The following MX2 variants were observed in gnomAD, a reference collection of about 807,000 sequenced individuals.
MX2 encodes MX dynamin like GTPase 2, also known as interferon-induced GTP-binding protein Mx2.
Under a neutral mutation model 74.0 loss-of-function variants are expected in MX2, and 51 were observed. The observed-to-expected ratio is 0.69, with a 90% CI of 0.55 to 0.87. The LOEUF is 0.87. Ranked by LOEUF, MX2 falls within the 40% of genes least tolerant of loss-of-function variation. The pLI, the probability that MX2 is intolerant of heterozygous loss-of-function variation, is 0.00. For missense variants in MX2, 832 were observed against 908.7 expected, an observed-to-expected ratio of 0.92 and a Z score of 1.09; for synonymous variants, 369 against 339.3, an observed-to-expected ratio of 1.09 and a Z score of -0.96.
intron 12 of MX2, among the ~76,000 whole-genome samples, chr21:41,406,199 G>A (rs1280462171): frequency 3.3e-5 from 5 of 152,128 alleles, no homozygotes; most frequent in Non-Finnish European, 7.3e-5. Context: ...TGTTGGCCAG[G>A]TTGGTCTCGA....
Position 41,403,329 on chromosome 21 carries a change from A to C in MX2, c.1636A>C (p.Asn546His), listed in dbSNP as rs201967296. ...KKHFGEFFNL[N>H]QTVQSTIEDI... ...ACATTTTGGCGAATTTTTCAACCTT[A>C]ACCAAACTGTTCAGGTAAGCACCCA... The change falls in exon 12 of 14, where the codon AAC (asparagine) becomes CAC (histidine). Residue 546 changes from asparagine (N) to histidine (H), a missense_variant. Physicochemically the swap from Asn to His is moderately conservative, Grantham distance 68. Coordinates refer to ENST00000330714, the MANE Select transcript of MX2 (RefSeq NM_002463.2). 20 of 1,613,492 alleles carry C rather than the reference A, an allele frequency of 1.2e-5. No individual in the cohort carries two copies. The East Asian group carries it at 4.2e-4, about 34-fold the overall frequency.
chr21:41,379,968 C>G, intron 3 of MX2, 49 bp from the exon 4 acceptor site: 1 of 1,605,476 alleles, frequency 6.2e-7, no homozygotes, highest in Non-Finnish European at 8.5e-7. Context: ...GGGCCCAGTG[C>G]CACTTCTTTA....
rs2089466221 is a variant in MX2 at position 41,379,999 on chromosome 21, G to C, written c.443-18G>C. On this transcript the variant is annotated intron_variant, in intron 3 of 13. Transcript: ENST00000330714. The stretch of plus-strand genomic sequence containing the variant: ...CTTTAAAAGGAAACTGAGGATATTT[G>C]GGGAACCTCTCGCTCAGGAATCGTA... 1.2e-6 allele frequency: 2 copies of C among 1,613,006 alleles called. No homozygotes were observed. Among genetic ancestry groups the C allele is most frequent in the Admixed American group, 1.7e-5 (1 of 59,886 alleles).
chr21:41,367,905 C>G (rs2089281959), intron 1 of MX2, among the ~76,000 whole-genome samples: 1 of 152,216 alleles, frequency 6.6e-6, no homozygotes. Context: ...TGTTCCTCAT[C>G]TTTGTCTTAA....
At chr21:41,395,433 G>A (rs1476887452) in intron 6 of MX2, among the ~76,000 whole-genome samples, 154 bp from the exon 7 acceptor site, 1 of 152,158 alleles carries the variant, frequency 6.6e-6, no homozygotes, top group Admixed American at 6.5e-5. Flanking sequence ...CAAAGAAGAG[G>A]GGCAATGAGG....
At chr21:41,373,096 C>G (rs990794813) in intron 1 of MX2, 1 of 152,208 alleles carries the variant, frequency 6.6e-6, no homozygotes, top group Non-Finnish European at 1.5e-5. Flanking sequence ...GGTGGGAATG[C>G]AGCTTTTGAC....
At position 41,405,938 on chromosome 21, in the gene MX2, AG is replaced by A. The variant is rs1227910837; in HGVS notation, c.1651-804del. Among the ~76,000 whole-genome samples the A allele has an allele frequency of 2.6e-5, 4 of 151,916 alleles. No individual in the cohort carries two copies. The East Asian group carries it at 7.7e-4, about 29-fold the overall frequency. ...AAGCTGGTCTCAAACTCCTGACCTC[AG>A]GTGACCCACCTGCCTCAGCCTCCCA... On this transcript the variant is annotated intron_variant, in intron 12 of 13. Transcript: ENST00000330714.
chr21:41,408,230 C>G lies in MX2; in HGVS notation c.2145C>G (p.His715Gln). ...ALCQFSSKEI[H>Q] Reference sequence around the variant, plus strand: ...GTCAATTCTCCAGCAAAGAGATCCACTGAAGGGCGGCGATGCCTGTGGTTG... The same window carrying G: ...GTCAATTCTCCAGCAAAGAGATCCAGTGAAGGGCGGCGATGCCTGTGGTTG... Residue 715 changes from histidine (H) to glutamine (Q), a missense_variant, in exon 14 of 14, where the codon CAC becomes CAG. Transcript: ENST00000330714. 6.2e-7 allele frequency: 1 copy of G among 1,613,792 alleles called. No individual in the cohort carries two copies. Among genetic ancestry groups the G allele is most frequent in the South Asian group, 1.1e-5 (1 of 91,080 alleles).
At chr21:41,394,920 A>G (rs1387761779) in intron 6 of MX2, among the ~76,000 whole-genome samples, 2 of 147,784 alleles carry the variant, frequency 1.4e-5, no homozygotes. Context: ...ACAGAGCGAG[A>G]CTCCATCTCA....
chr21:41,407,033 G>T, intron 13 of MX2, 35 bp downstream of exon 13: 1 of 1,596,102 alleles, frequency 6.3e-7, no homozygotes, highest in Non-Finnish European at 8.6e-7. Flanking sequence ...CGTGCTCTCT[G>T]AAATTTGCAG....
rs754668921 is a variant in MX2 at position 41,377,851 on chromosome 21, C to G, written c.312C>G (p.Ile104Met). The G allele has an allele frequency of 6.2e-7, 1 of 1,614,222 alleles. No homozygotes were observed. The highest frequency in any genetic ancestry group is 8.5e-7 in the Non-Finnish European group (1 of 1,180,046). The stretch of plus-strand genomic sequence containing the variant: ...AGGTGCGCCCCTGCATTGACCTCAT[C>G]GACTCCCTGCGGGCTCTGGGTGTGG... ...EQKVRPCIDL[I>M]DSLRALGVEQ... The change falls in exon 3 of 14, where the codon ATC becomes ATG. Residue 104 changes from isoleucine (I) to methionine (M), a missense_variant. Transcript: ENST00000330714.
intron 6 of MX2, among the ~76,000 whole-genome samples, chr21:41,393,908 C>T (rs1247181122): frequency 6.6e-6 from 1 of 152,182 alleles, no homozygotes; most frequent in Non-Finnish European, 1.5e-5. Context: ...GTTCTAAAGC[C>T]AAATCAAAGA....
intron 7 of MX2, 129 bp downstream of exon 7, chr21:41,395,914 T>C: frequency 1.2e-6 from 1 of 853,582 alleles, no homozygotes; most frequent in Non-Finnish European, 1.8e-6. Context: ...CCTCACCTGA[T>C]TTTTGTGCTA....
At chr21:41,362,709 G>A (rs927244927) in intron 1 of MX2, among the ~76,000 whole-genome samples, 2 of 150,720 alleles carry the variant, frequency 1.3e-5, no homozygotes, top group African/African-American at 2.5e-5. Flanking sequence ...GATATAGAGC[G>A]GAAAGGAGAC....
At chr21:41,369,568 C>A (rs1475439277) in intron 1 of MX2, among the ~76,000 whole-genome samples, 1 of 152,126 alleles carries the variant, frequency 6.6e-6, no homozygotes, top group Admixed American at 6.5e-5. Context: ...GGGAGGAAAG[C>A]CGCTGAGAGC....
chr21:41,377,048 A>G lies in MX2; in HGVS notation c.142A>G (p.Asn48Asp). Residue 48 changes from asparagine to aspartate, a missense_variant, in exon 2 of 14, where the codon AAC becomes GAC. By Grantham distance (23) the Asn-to-Asp change is conservative. Transcript: ENST00000330714. ...TVPPQMMFPP[N>D]WQGAEKDAAF... ...GCCACCACAAATGATGTTTCCTCCA[A>G]ACTGGCAGGGGGCAGAGAAGGACGC... 6.2e-7 allele frequency: 1 copy of G among 1,614,236 alleles called. No individual in the cohort carries two copies. Among genetic ancestry groups the G allele is most frequent in the African/African-American group, 1.3e-5 (1 of 75,052 alleles).
chr21:41,369,836 G>A (rs898402248), intron 1 of MX2, among the ~76,000 whole-genome samples: 5 of 34,370 alleles, frequency 1.5e-4, no homozygotes, highest in Admixed American at 1.1e-3. Context: ...CCTGCCCCCC[G>A]CCCCCGCCCC....
At chr21:41,372,262 T>C (rs866736896) in intron 1 of MX2, among the ~76,000 whole-genome samples, 1 of 152,256 alleles carries the variant, frequency 6.6e-6, no homozygotes, top group Non-Finnish European at 1.5e-5. Flanking sequence ...ATGCATTGCA[T>C]GTAAAACTTA....
chr21:41,381,303 T>C (rs2089488037), intron 4 of MX2, among the ~76,000 whole-genome samples: 1 of 152,228 alleles, frequency 6.6e-6, no homozygotes, highest in Admixed American at 6.5e-5. Context: ...TCACCAGCTG[T>C]GAGCTCTGTG....
Sources: gnomAD v4.1 joint callset for allele counts (sites outside exome capture counted in the v4.1 genomes callset) on GRCh38, gnomAD v4.1.1 for gene constraint, MANE v1.5 for transcripts, NCBI Gene and HGNC (gene_info 2026-07-23, HGNC 2026-07-21) for gene names.